Variants in PIGB observed in about 807,000 individuals in gnomAD.
PIGB encodes the protein GPI alpha-1,2-mannosyltransferase 3.
In PIGB, 58 loss-of-function variants were observed where a neutral mutation model predicts 68.4. That is an observed-to-expected ratio of 0.85 (90% CI 0.69 to 1.06). The LOEUF is 1.06. PIGB is among the 50% of genes least tolerant of loss of function. The pLI is 0.00. For synonymous variants in PIGB, 219 were observed against 220.5 expected, an observed-to-expected ratio of 0.99 and a Z score of 0.06; for missense variants, 634 against 655.8, an observed-to-expected ratio of 0.97 and a Z score of 0.36.
intron 10 of PIGB, among the ~76,000 whole-genome samples, chr15:55,351,396 C>T (rs1319530771): frequency 2.0e-5 from 3 of 151,884 alleles, no homozygotes; most frequent in Non-Finnish European, 4.4e-5. Flanking sequence ...TGTGAGCCAC[C>T]GTGCTCGGCC....
In PIGB at chr15:55,319,267, G is replaced by T. The variant is rs1053532065; in HGVS notation, c.17G>T (p.Ser6Ile). The T allele has an allele frequency of 1.9e-6, 3 of 1,607,216 alleles. No homozygotes were observed. The highest frequency in any genetic ancestry group is 2.7e-5 in the African/African-American group (2 of 74,842). The change falls in exon 1 of 12, where the codon AGC (serine) becomes ATC (isoleucine). Residue 6 changes from serine to isoleucine, a missense_variant. Physicochemically the swap from Ser to Ile is moderately radical, Grantham distance 142 (BLOSUM62 -2). Coordinates refer to ENST00000164305, the MANE Select transcript of PIGB (RefSeq NM_004855.5). The part of the protein sequence containing the change: MRRPL[S>I]KCGMEPGGGD... ...CGGCCAGGGATGAGGAGGCCCCTAAGCAAGTGCGGAATGGAGCCGGGGGGC... is the reference window on the plus strand; with the variant it reads ...CGGCCAGGGATGAGGAGGCCCCTAATCAAGTGCGGAATGGAGCCGGGGGGC...
chr15:55,330,659 G>A (rs1164001954), intron 5 of PIGB, among the ~76,000 whole-genome samples: 1 of 152,150 alleles, frequency 6.6e-6, no homozygotes, highest in Non-Finnish European at 1.5e-5. Flanking sequence ...TAGGTAATAG[G>A]GAACCATTTG....
Position 55,355,501 on chromosome 15 carries a change from C to G in PIGB, c.*69C>G. On this transcript the variant is annotated 3_prime_UTR_variant, in exon 12 of 12. Transcript: ENST00000164305. ...TGCTGCTTAAATACTTCGGTAAACA[C>G]TGGGTAAGATTCATGGAACTTAGAA... 1 of 1,281,486 alleles carries G rather than the reference C, an allele frequency of 7.8e-7. No homozygotes were observed. The highest frequency in any genetic ancestry group is 1.4e-5 in the South Asian group (1 of 72,196). 79.4% of individuals were successfully genotyped at this position (1,281,486 alleles called of 1,614,324 possible). A position where few individuals can be genotyped will look rare whatever the true frequency, so the allele number is the denominator to read the frequency against.
chr15:55,320,443 G>A lies in PIGB; in HGVS notation c.299+33G>A, dbSNP rs1407747549. Reference sequence around the variant, plus strand: ...TTGTGGTTTCTTTTCCAGACTATGAGTGTGTATTCATCTTGGAAATTGTGC... The same window carrying A: ...TTGTGGTTTCTTTTCCAGACTATGAATGTGTATTCATCTTGGAAATTGTGC... On this transcript the variant is annotated intron_variant, in intron 2 of 11. Transcript: ENST00000164305. 3 of 1,598,522 alleles carry A rather than the reference G, an allele frequency of 1.9e-6. No homozygotes were observed. The Admixed American group carries it at 5.2e-5, about 28-fold the overall frequency.
chr15:55,324,814 C>G, intron 3 of PIGB: 2 of 984,868 alleles, frequency 2.0e-6, no homozygotes, highest in Non-Finnish European at 2.4e-6. Flanking sequence ...CTTATAGCTC[C>G]CTATGCAGAG....
intron 8 of PIGB, 90 bp downstream of exon 8, chr15:55,340,913 A>T: frequency 1.2e-6 from 1 of 849,672 alleles, no homozygotes; most frequent in Non-Finnish European, 1.8e-6. Context: ...TATGTTTTGG[A>T]GGTGCCATTA....
chr15:55,345,001 T>G (rs2141208153), intron 9 of PIGB, among the ~76,000 whole-genome samples: 1 of 150,740 alleles, frequency 6.6e-6, no homozygotes, highest in East Asian at 2.0e-4. Context: ...GTTCAAGAGA[T>G]TCTCCTGCCT....
intron 9 of PIGB, 46 bp downstream of exon 9, chr15:55,341,848 T>C (rs1390496317): frequency 1.2e-6 from 1 of 810,724 alleles, no homozygotes; most frequent in Non-Finnish European, 1.8e-6. Context: ...ATAGAAATAG[T>C]CTAAAGACAA....
intron 9 of PIGB, among the ~76,000 whole-genome samples, chr15:55,342,105 T>A (rs555951420): frequency 3.3e-5 from 5 of 152,252 alleles, no homozygotes; most frequent in Admixed American, 1.3e-4. Flanking sequence ...CAGCCTACCA[T>A]ATGGCAAGTC....
chr15:55,352,604 T>C (rs1392244391), intron 10 of PIGB, among the ~76,000 whole-genome samples: 1 of 152,036 alleles, frequency 6.6e-6, no homozygotes, highest in Non-Finnish European at 1.5e-5. Flanking sequence ...CTGGGCCACA[T>C]GGTGAACCCC....
At chr15:55,351,297 T>TG (rs1328323524) in intron 10 of PIGB, among the ~76,000 whole-genome samples, 3 of 151,696 alleles carry the variant, frequency 2.0e-5, no homozygotes, top group Non-Finnish European at 4.4e-5. Flanking sequence ...TTAGTAGAGA[T>TG]GGGGTTTCAC....
chr15:55,353,953 T>C (rs2055995344), intron 10 of PIGB, among the ~76,000 whole-genome samples: 1 of 151,800 alleles, frequency 6.6e-6, no homozygotes, highest in Non-Finnish European at 1.5e-5. Context: ...ATTTGGATGT[T>C]AATCAGTGGA....
intron 9 of PIGB, among the ~76,000 whole-genome samples, chr15:55,344,150 G>C (rs919684779): frequency 1.3e-5 from 2 of 152,190 alleles, no homozygotes; most frequent in African/African-American, 2.4e-5. Context: ...AAACTGTAGT[G>C]GCTTAAAACT....
At chr15:55,354,530 A>G in intron 10 of PIGB, 1 of 348,466 alleles carries the variant, frequency 2.9e-6, no homozygotes, top group Non-Finnish European at 5.1e-6. Context: ...GAGTCCCCCT[A>G]CTGACCTACT....
chr15:55,320,322 C>G lies in PIGB; in HGVS notation c.211C>G (p.Arg71Gly), dbSNP rs967828948. ...IYLLLFTIALRILNCFLVQTS... is the reference protein window; with the variant it reads ...IYLLLFTIALGILNCFLVQTS... The stretch of plus-strand genomic sequence containing the variant: ...TCTGCTCTTGTTTACCATAGCTTTA[C>G]GAATATTAAACTGCTTTTTAGTGCA... Residue 71 changes from arginine to glycine, a missense_variant, in exon 2 of 12, where the codon CGA (arginine) becomes GGA (glycine). Transcript: ENST00000164305. 6.2e-7 allele frequency: 1 copy of G among 1,612,408 alleles called. No homozygotes were observed. Among genetic ancestry groups the G allele is most frequent in the Admixed American group, 1.7e-5 (1 of 59,980 alleles).
chr15:55,339,094 A>G (rs965461316), intron 6 of PIGB, among the ~76,000 whole-genome samples, 173 bp from the exon 7 acceptor site: 3 of 152,186 alleles, frequency 2.0e-5, no homozygotes, highest in African/African-American at 7.2e-5. Flanking sequence ...AATCTTATCT[A>G]CTGATCTTTT....
chr15:55,328,764 G>A (rs952123579), intron 4 of PIGB, among the ~76,000 whole-genome samples: 3 of 152,240 alleles, frequency 2.0e-5, no homozygotes, highest in South Asian at 2.1e-4. Context: ...TCCGGAGTTC[G>A]AGACCAGCCT....
At chr15:55,321,727 A>T (rs1251152698) in intron 3 of PIGB, among the ~76,000 whole-genome samples, 1 of 131,400 alleles carries the variant, frequency 7.6e-6, no homozygotes, top group East Asian at 2.2e-4. Context: ...ATCTTGGCTC[A>T]CCACAACCTC....
At chr15:55,326,402 T>C (rs1470508030) in intron 3 of PIGB, among the ~76,000 whole-genome samples, 1 of 152,162 alleles carries the variant, frequency 6.6e-6, no homozygotes, top group African/African-American at 2.4e-5. Context: ...GAAAATTAGT[T>C]AACCTCTCTG....
Sources: gnomAD v4.1 joint callset for allele counts (sites outside exome capture counted in the v4.1 genomes callset) on GRCh38, gnomAD v4.1.1 for gene constraint, MANE v1.5 for transcripts, NCBI Gene and HGNC (gene_info 2026-07-23, HGNC 2026-07-21) for gene names.